The following NRG3 variants were observed in gnomAD, a reference collection of about 807,000 sequenced individuals.
The protein encoded by NRG3 is pro-neuregulin-3, membrane-bound isoform.
NRG3 carries 31 observed loss-of-function variants against 66.9 expected under a neutral mutation model. That is an observed-to-expected ratio of 0.46 (90% CI 0.35 to 0.63). The LOEUF (loss-of-function observed/expected upper bound fraction) is 0.63, where lower values mean the gene tolerates loss of function less well. NRG3 is among the 20% of genes least tolerant of loss of function. The pLI is 0.00. For missense variants in NRG3, 910 were observed against 878.9 expected, an observed-to-expected ratio of 1.04 and a Z score of -0.45; for synonymous variants, 393 against 359.4, an observed-to-expected ratio of 1.09 and a Z score of -1.06.
At chr10:82,785,120 C>T (rs552197012) in intron 3 of NRG3, among the ~76,000 whole-genome samples, 176 of 151,464 alleles carry the variant, frequency 1.2e-3, no homozygotes, top group Admixed American at 2.0e-3. Flanking sequence ...AACCAAACAC[C>T]GCATGTTCTC....
intron 1 of NRG3, among the ~76,000 whole-genome samples, chr10:82,322,707 TATAAC>T (rs1165917889): frequency 1.3e-5 from 2 of 152,204 alleles, no homozygotes; most frequent in Admixed American, 6.5e-5. Flanking sequence ...ATGTACTACT[TATAAC>T]AGAATCAGTT....
chr10:82,426,496 GTT>G (rs755002122), intron 2 of NRG3, among the ~76,000 whole-genome samples: 3 of 140,470 alleles, frequency 2.1e-5, no homozygotes, highest in Admixed American at 7.1e-5. Context: ...CTATTTTCAG[GTT>G]TTTTTTTTTT....
At chr10:82,010,225 A>C (rs2061523924) in intron 1 of NRG3, among the ~76,000 whole-genome samples, 1 of 152,196 alleles carries the variant, frequency 6.6e-6, no homozygotes, top group Non-Finnish European at 1.5e-5. Flanking sequence ...TGAGCCTTGG[A>C]GTGGGTAAGC....
intron 1 of NRG3, among the ~76,000 whole-genome samples, chr10:82,320,079 C>T (rs950039397): frequency 3.3e-5 from 5 of 152,122 alleles, no homozygotes; most frequent in African/African-American, 1.2e-4. Context: ...TAGGCAATGT[C>T]GATTTTGCAT....
chr10:82,500,138 T>C (rs1035360255), intron 2 of NRG3, among the ~76,000 whole-genome samples: 3 of 152,294 alleles, frequency 2.0e-5, no homozygotes, highest in Admixed American at 1.3e-4. Context: ...TGGAGGAGGA[T>C]AGGGATGTAG....
chr10:81,881,786 G>T (rs1842205013), intron 1 of NRG3, among the ~76,000 whole-genome samples: 1 of 151,992 alleles, frequency 6.6e-6, no homozygotes, highest in Non-Finnish European at 1.5e-5. Context: ...ACTGGTTTAA[G>T]CTTAGCATCT....
intron 2 of NRG3, among the ~76,000 whole-genome samples, chr10:82,520,703 ATTC>A (rs1846101426): frequency 6.6e-6 from 1 of 152,160 alleles, no homozygotes; most frequent in Non-Finnish European, 1.5e-5. Context: ...GTCGAACATT[ATTC>A]TTCTCAAAAT....
intron 1 of NRG3, among the ~76,000 whole-genome samples, chr10:81,931,866 C>T (rs976947292): frequency 6.6e-6 from 1 of 152,070 alleles, no homozygotes; most frequent in African/African-American, 2.4e-5. Flanking sequence ...TTTCATTGTT[C>T]AGGAGAGATT....
chr10:82,396,006 C>T (rs1451373604), intron 2 of NRG3, among the ~76,000 whole-genome samples: 3 of 152,098 alleles, frequency 2.0e-5, no homozygotes, highest in African/African-American at 7.2e-5. Flanking sequence ...TTATTAAAAT[C>T]TTATCAGGAG....
At chr10:82,100,295 T>C (rs1170252264) in intron 1 of NRG3, among the ~76,000 whole-genome samples, 1 of 152,284 alleles carries the variant, frequency 6.6e-6, no homozygotes, top group East Asian at 1.9e-4. Flanking sequence ...TTGAACTTCC[T>C]ATGTAGACAA....
intron 4 of NRG3, among the ~76,000 whole-genome samples, chr10:82,946,366 C>T (rs559063670): frequency 2.0e-5 from 3 of 151,872 alleles, no homozygotes; most frequent in South Asian, 2.1e-4. Flanking sequence ...TTGTGAAACC[C>T]GGTCTCTACT....
chr10:82,277,569 T>C (rs896273313), intron 1 of NRG3, among the ~76,000 whole-genome samples: 3 of 152,080 alleles, frequency 2.0e-5, no homozygotes, highest in African/African-American at 7.2e-5. Context: ...TAGTGGCTAA[T>C]GTAACCTCCT....
In NRG3 at chr10:82,407,139, T is replaced by C. The variant is rs977089161; in HGVS notation, c.953+48271T>C. 2.0e-5 allele frequency among the ~76,000 whole-genome samples: 3 copies of C among 148,596 alleles called. No homozygotes were observed. In the East Asian group the frequency reaches 6.3e-4, roughly 31 times the overall value. On this transcript the variant is annotated intron_variant, in intron 2 of 8. Coordinates refer to ENST00000372141, the MANE Select transcript of NRG3 (RefSeq NM_001010848.4). ...TTGATCCTGCTTCAATTTTAGAAGA[T>C]CACAATAAGAAATAACATGGGGAGA...
intron 2 of NRG3, among the ~76,000 whole-genome samples, chr10:82,420,506 C>T (rs1045821559): frequency 6.6e-6 from 1 of 152,086 alleles, no homozygotes; most frequent in Non-Finnish European, 1.5e-5. Context: ...ATTATTTCTT[C>T]TTATGTAAAC....
chr10:82,223,663 A>ACACACG, intron 1 of NRG3, among the ~76,000 whole-genome samples: 1 of 150,806 alleles, frequency 6.6e-6, no homozygotes, highest in Admixed American at 6.6e-5. Context: ...ACACACACAC[A>ACACACG]CACACACACA....
chr10:82,591,299 A>G (rs974733209), intron 2 of NRG3, among the ~76,000 whole-genome samples: 2 of 152,214 alleles, frequency 1.3e-5, no homozygotes, highest in African/African-American at 4.8e-5. Context: ...GGCATCCCAA[A>G]TTGATATTTT....
intron 2 of NRG3, among the ~76,000 whole-genome samples, chr10:82,702,922 G>A (rs2056000335): frequency 6.6e-6 from 1 of 151,922 alleles, no homozygotes; most frequent in South Asian, 2.1e-4. Context: ...TAAGAAAAAT[G>A]GTATATGTAT....
At chr10:82,962,363 GTTC>G (rs753562707) in intron 6 of NRG3, among the ~76,000 whole-genome samples, 2 of 152,078 alleles carry the variant, frequency 1.3e-5, no homozygotes, top group Non-Finnish European at 2.9e-5. Flanking sequence ...GAGATCATCC[GTTC>G]TTCTCTCTTA....
At chr10:81,920,196 G>T (rs765108894) in intron 1 of NRG3, among the ~76,000 whole-genome samples, 21 of 152,132 alleles carry the variant, frequency 1.4e-4, no homozygotes, top group Non-Finnish European at 2.9e-4. Flanking sequence ...GAAAAGGAGG[G>T]CTGGAAAAGA....
Sources: allele counts gnomAD v4.1 joint callset (sites outside exome capture counted in the v4.1 genomes callset), GRCh38; gene constraint gnomAD v4.1.1; transcripts MANE v1.5; gene names NCBI Gene and HGNC (gene_info 2026-07-23, HGNC 2026-07-21).